The following ADGRG6 variants were observed in gnomAD, a reference collection of about 807,000 sequenced individuals.
The protein encoded by ADGRG6 is adhesion G protein-coupled receptor G6.
Under a neutral mutation model 142.4 loss-of-function variants are expected in ADGRG6, and 84 were observed. That is an observed-to-expected ratio of 0.59 (90% CI 0.49 to 0.71). The LOEUF (loss-of-function observed/expected upper bound fraction) is 0.71, where lower values mean the gene tolerates loss of function less well. Ranked by LOEUF, ADGRG6 falls within the 30% of genes least tolerant of loss-of-function variation. The pLI is 0.00. For synonymous variants in ADGRG6, 521 were observed against 520.5 expected (o/e 1.00, Z -0.01); for missense variants, 1,367 against 1,466.6 (o/e 0.93, Z 1.11).
chr6:142,302,467 G>GT, intron 1 of ADGRG6, 136 bp downstream of exon 1: 1 of 920,726 alleles, frequency 1.1e-6, no homozygotes. Flanking sequence ...GAATAAACCG[G>GT]TTTGTCTTCA....
intron 12 of ADGRG6, 82 bp downstream of exon 12, chr6:142,402,140 A>G (rs745880161): frequency 5.3e-5 from 37 of 701,184 alleles, no homozygotes; most frequent in Non-Finnish European, 8.7e-5. Context: ...CTTCGAGAAT[A>G]TTCTTCTGCT....
At chr6:142,386,781 G>C (rs1247813410) in intron 6 of ADGRG6, among the ~76,000 whole-genome samples, 1 of 152,096 alleles carries the variant, frequency 6.6e-6, no homozygotes, top group Non-Finnish European at 1.5e-5. Flanking sequence ...AGCCATCTGG[G>C]CAGCTCGGGG....
chr6:142,392,268 G>A (rs1194217342), intron 7 of ADGRG6, among the ~76,000 whole-genome samples: 2 of 151,842 alleles, frequency 1.3e-5, no homozygotes, highest in Admixed American at 6.6e-5. Context: ...AGGGAATCTC[G>A]TTTTGCAGTT....
chr6:142,332,097 A>G (rs1056433461), intron 2 of ADGRG6, among the ~76,000 whole-genome samples: 1 of 152,204 alleles, frequency 6.6e-6, no homozygotes, highest in African/African-American at 2.4e-5. Flanking sequence ...AAATATAGGA[A>G]TGGCTCACAA....
chr6:142,408,236 T>C lies in ADGRG6; in HGVS notation c.2355T>C (p.Pro785=). The change falls in exon 16 of 25, where the codon CCT becomes CCC. Residue 785 remains proline (P), a synonymous_variant. Transcript: ENST00000367609. ...TTACTATCCAGAATCTGAAGGATCC[T>C]GTTCAAATAAAAATCAAACATACAA... The part of the protein sequence containing the change: ...GNITIQNLKD[P]VQIKIKHTRT... The C allele has an allele frequency of 6.3e-7, 1 of 1,578,004 alleles. No homozygotes were observed. The highest frequency in any genetic ancestry group is 2.3e-5 in the East Asian group (1 of 43,628).
chr6:142,401,832 CAG>C (rs754768241), intron 11 of ADGRG6, among the ~76,000 whole-genome samples, 160 bp from the exon 12 acceptor site: 44 of 151,882 alleles, frequency 2.9e-4, no homozygotes, highest in African/African-American at 4.4e-4. Context: ...CAGAGATAAA[CAG>C]AGAATTAAAA....
At chr6:142,368,951 T>C (rs1318634164) in intron 3 of ADGRG6, among the ~76,000 whole-genome samples, 1 of 151,984 alleles carries the variant, frequency 6.6e-6, no homozygotes, top group Non-Finnish European at 1.5e-5. Flanking sequence ...TGTAGAATAC[T>C]GGTTCATATT....
At chr6:142,341,515 CATA>C (rs1215941995) in intron 2 of ADGRG6, among the ~76,000 whole-genome samples, 21 of 104,694 alleles carry the variant, frequency 2.0e-4, no homozygotes, top group African/African-American at 6.5e-4. Context: ...ATATATACTA[CATA>C]ATATTATATA....
At chr6:142,351,589 T>C (rs980609984) in intron 2 of ADGRG6, among the ~76,000 whole-genome samples, 4 of 152,098 alleles carry the variant, frequency 2.6e-5, no homozygotes, top group Non-Finnish European at 5.9e-5. Flanking sequence ...AAACCCAAAA[T>C]TATAAAAACC....
chr6:142,327,446 T>C lies in ADGRG6; in HGVS notation c.103+17802T>C, dbSNP rs537238851. On this transcript the variant is annotated intron_variant, in intron 2 of 24. Coordinates refer to ENST00000367609, the MANE Select transcript of ADGRG6 (RefSeq NM_198569.3). The stretch of plus-strand genomic sequence containing the variant: ...GTAGCAAGAAACAGATTTTAATTAA[T>C]ACAGACATAGAGTAAACCTCTGAGG... Among the ~76,000 whole-genome samples, 62 of 152,210 alleles carry C rather than the reference T, an allele frequency of 4.1e-4. 1 individual carries two copies. The highest frequency in any genetic ancestry group is 1.4e-3 in the African/African-American group (58 of 41,530).
intron 2 of ADGRG6, among the ~76,000 whole-genome samples, chr6:142,332,632 G>A (rs920172333): frequency 6.6e-6 from 1 of 152,094 alleles, no homozygotes; most frequent in African/African-American, 2.4e-5. Flanking sequence ...GGGCTTGGAT[G>A]TCATGTGGAC....
At position 142,445,361 on chromosome 6, in the gene ADGRG6, G is replaced by A. The variant is rs1777929824; in HGVS notation, c.*1846G>A. ...TTAACAGGCTGCTTATTTTGGCGGAGGTTACATATGGATGAAAATGAATCT... is the reference window on the plus strand; with the variant it reads ...TTAACAGGCTGCTTATTTTGGCGGAAGTTACATATGGATGAAAATGAATCT... On this transcript the variant is annotated 3_prime_UTR_variant, in exon 25 of 25. Coordinates refer to ENST00000367609, the MANE Select transcript of ADGRG6 (RefSeq NM_198569.3). 1 of 152,044 alleles carries A rather than the reference G, an allele frequency of 6.6e-6. No homozygotes were observed. The highest frequency in any genetic ancestry group is 2.4e-5 in the African/African-American group (1 of 41,384). 9.4% of individuals were successfully genotyped at this position (152,044 alleles called of 1,614,324 possible).
chr6:142,383,970 A>C (rs1204492787), intron 6 of ADGRG6, 127 bp downstream of exon 6: 1 of 603,354 alleles, frequency 1.7e-6, no homozygotes, highest in Non-Finnish European at 2.9e-6. Flanking sequence ...TTGTAGGTTT[A>C]CAAGATTAGT....
At chr6:142,413,030 T>TATAC (rs1776167739) in intron 18 of ADGRG6, among the ~76,000 whole-genome samples, 1 of 58,136 alleles carries the variant, frequency 1.7e-5, no homozygotes, top group African/African-American at 1.7e-4. Context: ...AATGGTTAAT[T>TATAC]ATATATATAT....
chr6:142,431,573 A>G (rs1401046340), intron 22 of ADGRG6, among the ~76,000 whole-genome samples: 3 of 152,172 alleles, frequency 2.0e-5, no homozygotes, highest in Admixed American at 1.3e-4. Flanking sequence ...TGCTCTTTCC[A>G]GAAAGCTAGA....
chr6:142,427,185 A>G (rs1776985402), intron 22 of ADGRG6, among the ~76,000 whole-genome samples: 1 of 152,222 alleles, frequency 6.6e-6, no homozygotes, highest in South Asian at 2.1e-4. Flanking sequence ...CAAATTTTCC[A>G]AACTTTAATG....
intron 14 of ADGRG6, 75 bp from the exon 15 acceptor site, chr6:142,405,613 A>T (rs918893812): frequency 5.8e-6 from 7 of 1,208,970 alleles, no homozygotes; most frequent in Admixed American, 1.9e-5. Context: ...TCACTCGCCT[A>T]ACTATACATG....
intron 3 of ADGRG6, among the ~76,000 whole-genome samples, chr6:142,369,164 T>A (rs2114859827): frequency 6.6e-6 from 1 of 152,344 alleles, no homozygotes; most frequent in African/African-American, 2.4e-5. Context: ...TAAAAAGTAT[T>A]TTTGAGGAGA....
Position 142,400,586 on chromosome 6 carries a change from T to C in ADGRG6, c.1669T>C (p.Ser557Pro). 6.5e-7 allele frequency: 1 copy of C among 1,548,770 alleles called. No individual in the cohort carries two copies. Among genetic ancestry groups the C allele is most frequent in the Non-Finnish European group, 8.9e-7 (1 of 1,121,388 alleles). Reference protein sequence around the residue: ...PCPDKPGFSASRICFYNATNP... With the variant: ...PCPDKPGFSAPRICFYNATNP... Reference sequence around the variant, plus strand: ...TCCAGACAAGCCTGGCTTTTCTGCTTCTCGGATATGGTAATATTTTCACTG... The same window carrying C: ...TCCAGACAAGCCTGGCTTTTCTGCTCCTCGGATATGGTAATATTTTCACTG... Residue 557 changes from serine to proline, a missense_variant, in exon 11 of 25, where the codon TCT becomes CCT. Transcript: ENST00000367609.
Sources: allele counts gnomAD v4.1 joint callset (sites outside exome capture counted in the v4.1 genomes callset), GRCh38; gene constraint gnomAD v4.1.1; transcripts MANE v1.5; gene names NCBI Gene and HGNC (gene_info 2026-07-23, HGNC 2026-07-21).